EXOC6: variants seen among roughly 807,000 people sequenced by gnomAD.
EXOC6 encodes the protein exocyst complex component 6.
A neutral mutation model predicts 112.5 loss-of-function variants in EXOC6; 60 were observed. The ratio of observed to expected loss-of-function variants is 0.53; its 90% CI spans 0.43 to 0.66. The LOEUF (loss-of-function observed/expected upper bound fraction) is 0.66, where lower values mean the gene tolerates loss of function less well. EXOC6 is among the 30% of genes least tolerant of loss of function. The pLI is 0.00. For synonymous variants in EXOC6, 295 were observed against 308.0 expected (o/e 0.96, Z 0.44); for missense variants, 855 against 957.1 (o/e 0.89, Z 1.41).
intron 1 of EXOC6, among the ~76,000 whole-genome samples, chr10:92,836,771 A>G (rs1290397606): frequency 6.6e-6 from 1 of 152,128 alleles, no homozygotes; most frequent in Non-Finnish European, 1.5e-5. Flanking sequence ...TTTCTACTGT[A>G]ACTGTGCTTA....
chr10:92,905,937 G>A (rs1266048612), intron 5 of EXOC6, among the ~76,000 whole-genome samples: 3 of 152,106 alleles, frequency 2.0e-5, no homozygotes, highest in African/African-American at 7.2e-5. Context: ...TTAGAGGCTT[G>A]CTGAGGTCTG....
chr10:92,925,792 T>G (rs868008014), intron 8 of EXOC6, among the ~76,000 whole-genome samples: 9 of 152,072 alleles, frequency 5.9e-5, no homozygotes, highest in South Asian at 4.1e-4. Flanking sequence ...CCTGAGTAGC[T>G]GGGACTACAG....
intron 9 of EXOC6, among the ~76,000 whole-genome samples, chr10:92,930,804 T>G (rs1851983898): frequency 6.6e-6 from 1 of 151,960 alleles, no homozygotes; most frequent in South Asian, 2.1e-4. Flanking sequence ...AATCTAAAAC[T>G]TCTGCTTTTC....
In EXOC6 at chr10:92,906,914, A is replaced by G. The variant is rs557507617; in HGVS notation, c.459-2513A>G. Among the ~76,000 whole-genome samples the G allele has an allele frequency of 5.3e-5, 8 of 152,292 alleles. No individual in the cohort carries two copies. In the South Asian group the frequency reaches 1.7e-3, roughly 32 times the overall value. ...TTACTGTTACAATTTTGTAAAAACA[A>G]CATTATGTGTATCTAAAGGAGAAAT... On this transcript the variant is annotated intron_variant, in intron 5 of 21. Coordinates refer to ENST00000260762, the MANE Select transcript of EXOC6 (RefSeq NM_019053.6).
chr10:93,006,109 G>T (rs913631472), intron 19 of EXOC6, among the ~76,000 whole-genome samples: 1 of 152,038 alleles, frequency 6.6e-6, no homozygotes, highest in East Asian at 1.9e-4. Flanking sequence ...GCAGTGAGCC[G>T]TGATCATGCC....
intron 18 of EXOC6, among the ~76,000 whole-genome samples, chr10:92,975,326 CT>C (rs1222240306): frequency 6.6e-6 from 1 of 151,538 alleles, no homozygotes; most frequent in Non-Finnish European, 1.5e-5. Flanking sequence ...GACCCTCTGC[CT>C]GGCAACCGCC....
rs767171504 is a variant in EXOC6, at chr10:92,899,580, G to A, written c.413-19G>A. ...TTCTTTTCATTTTGAAAGCTAAAAT[G>A]TTATATTTTTTAATGCAGTGCTAGA... On this transcript the variant is annotated intron_variant, in intron 4 of 21. Coordinates refer to ENST00000260762, the MANE Select transcript of EXOC6 (RefSeq NM_019053.6). The A allele has an allele frequency of 3.4e-5, 53 of 1,547,024 alleles. 1 individual carries two copies. The East Asian group carries it at 1.2e-3, about 35-fold the overall frequency.
At chr10:92,937,902 T>C (rs1852441152) in intron 12 of EXOC6, among the ~76,000 whole-genome samples, 1 of 152,166 alleles carries the variant, frequency 6.6e-6, no homozygotes, top group South Asian at 2.1e-4. Flanking sequence ...TTGTTACTAG[T>C]CTGCAAATTA....
chr10:93,005,608 A>G (rs535028034), intron 19 of EXOC6, among the ~76,000 whole-genome samples: 1 of 152,244 alleles, frequency 6.6e-6, no homozygotes, highest in African/African-American at 2.4e-5. Flanking sequence ...TTTCCCAAGC[A>G]TCAGGCAATC....
chr10:92,921,226 T>G (rs1851420596), intron 8 of EXOC6, among the ~76,000 whole-genome samples: 1 of 150,980 alleles, frequency 6.6e-6, no homozygotes, highest in Non-Finnish European at 1.5e-5. Context: ...ATGTACCATT[T>G]CATTTCCTTT....
intron 17 of EXOC6, among the ~76,000 whole-genome samples, chr10:92,961,121 T>C: frequency 6.6e-6 from 1 of 152,294 alleles, no homozygotes. Context: ...TAAAATTTTT[T>C]CATTTTAATT....
At chr10:92,872,072 T>A (rs1848477029) in intron 1 of EXOC6, among the ~76,000 whole-genome samples, 1 of 152,068 alleles carries the variant, frequency 6.6e-6, no homozygotes, top group Non-Finnish European at 1.5e-5. Context: ...TTCTTTCCAT[T>A]TCTTTTATTC....
chr10:92,867,535 A>G (rs1216517176), intron 1 of EXOC6, among the ~76,000 whole-genome samples: 1 of 152,194 alleles, frequency 6.6e-6, no homozygotes. Context: ...CAATTATCTG[A>G]TAAAGCAGTT....
At chr10:92,894,080 C>T (rs138540205) in intron 2 of EXOC6, among the ~76,000 whole-genome samples, 67 of 152,180 alleles carry the variant, frequency 4.4e-4, no homozygotes, top group Non-Finnish European at 6.5e-4. Flanking sequence ...TCTTTCTTTA[C>T]GTTTAGAGCA....
intron 19 of EXOC6, 106 bp downstream of exon 19, chr10:92,997,721 G>A: frequency 1.0e-6 from 1 of 993,522 alleles, no homozygotes; most frequent in Non-Finnish European, 1.4e-6. Context: ...GAGAAGGCCT[G>A]GTTCAGCTAA....
rs1052717357 is a variant in EXOC6, at chr10:92,941,740, A to G, written c.1310+916A>G. Among the ~76,000 whole-genome samples, 9 of 152,198 alleles carry G rather than the reference A, an allele frequency of 5.9e-5. 1 individual carries two copies. ...GAATCTTAAAGAATCTAAACGAGAA[A>G]ATTACTTTTGCTTTAACCACTTATC... On this transcript the variant is annotated intron_variant, in intron 13 of 21. Coordinates refer to ENST00000260762, the MANE Select transcript of EXOC6 (RefSeq NM_019053.6).
At chr10:92,908,799 G>A (rs191142089) in intron 5 of EXOC6, among the ~76,000 whole-genome samples, 43 of 152,266 alleles carry the variant, frequency 2.8e-4, no homozygotes, top group African/African-American at 1.0e-3. Context: ...TACCCAGCAT[G>A]TCACACTGTG....
Position 93,006,517 on chromosome 10 carries a change from G to T in EXOC6, c.2096-7677G>T, listed in dbSNP as rs188922433. ...ATGAGGTGATGAAGGTAGAGTAACAGTTGGTCCTCGAGGTTTGCATCCCAC... is the reference window on the plus strand; with the variant it reads ...ATGAGGTGATGAAGGTAGAGTAACATTTGGTCCTCGAGGTTTGCATCCCAC... On this transcript the variant is annotated intron_variant, in intron 19 of 21. Coordinates refer to ENST00000260762, the MANE Select transcript of EXOC6 (RefSeq NM_019053.6). Among the ~76,000 whole-genome samples, 582 of 152,308 alleles carry T rather than the reference G, an allele frequency of 3.8e-3. 2 individuals are homozygous for T. The highest frequency in any genetic ancestry group is 0.013 in the African/African-American group (537 of 41,564).
upstream of EXOC6, among the ~76,000 whole-genome samples, chr10:92,846,694 G>A (rs1176801559): frequency 6.6e-6 from 1 of 152,196 alleles, no homozygotes; most frequent in Non-Finnish European, 1.5e-5. Flanking sequence ...GAGGGCATTA[G>A]CAATGTTTTA....
Sources: gnomAD v4.1 joint callset for allele counts (sites outside exome capture counted in the v4.1 genomes callset) on GRCh38, gnomAD v4.1.1 for gene constraint, MANE v1.5 for transcripts, NCBI Gene and HGNC (gene_info 2026-07-23, HGNC 2026-07-21) for gene names.